FLT3: variants seen among roughly 807,000 people sequenced by gnomAD.
FLT3 encodes the protein fms related receptor tyrosine kinase 3, also known as receptor-type tyrosine-protein kinase FLT3.
Under a neutral mutation model 126.6 loss-of-function variants are expected in FLT3, and 46 were observed. The ratio of observed to expected loss-of-function variants is 0.36; its 90% CI spans 0.29 to 0.46. FLT3 has a LOEUF of 0.46. FLT3 is among the 20% of genes least tolerant of loss of function. The pLI is 1.00. For synonymous variants in FLT3, 404 were observed against 434.4 expected, an observed-to-expected ratio of 0.93 and a Z score of 0.87; for missense variants, 1,069 against 1,190.3, an observed-to-expected ratio of 0.90 and a Z score of 1.50.
intron 2 of FLT3, among the ~76,000 whole-genome samples, chr13:28,069,239 G>T (rs1877293174): frequency 6.6e-6 from 1 of 152,164 alleles, no homozygotes; most frequent in Non-Finnish European, 1.5e-5. Flanking sequence ...ACGAGGGCTT[G>T]ACTTAGGGAA....
intron 4 of FLT3, among the ~76,000 whole-genome samples, chr13:28,053,965 T>C (rs1315420285): frequency 1.3e-5 from 2 of 152,102 alleles, no homozygotes; most frequent in African/African-American, 2.4e-5. Context: ...CTTCCTGCCT[T>C]GGCCTCCCAA....
rs34172843 is a variant in FLT3 at position 28,048,407 on chromosome 13, T to A, written c.1073A>T (p.Asp358Val). The A allele has an allele frequency of 6.3e-4, 1,008 of 1,610,464 alleles. 12 individuals carry two copies. The East Asian group carries it at 0.017, about 28-fold the overall frequency. ...GFINATNSSE[D>V]YEIDQYEEFC... ...CTCTTCATATTGGTCAATTTCATAA[T>A]CTTCACTTGAATTGGTAGCATTTAT... The change falls in exon 9 of 24, where the codon GAT becomes GTT. Residue 358 changes from aspartate to valine, a missense_variant. By Grantham distance (152) the Asp-to-Val change is radical (BLOSUM62 -3). Transcript: ENST00000241453.
intron 9 of FLT3, among the ~76,000 whole-genome samples, chr13:28,038,522 G>A (rs1459175629): frequency 1.3e-5 from 2 of 149,420 alleles, no homozygotes; most frequent in African/African-American, 2.5e-5. Context: ...GCGCTATCTC[G>A]GCTCACTGCA....
At chr13:28,081,871 T>TTTTTTTTC in intron 1 of FLT3, among the ~76,000 whole-genome samples, 1 of 132,342 alleles carries the variant, frequency 7.6e-6, no homozygotes, top group Non-Finnish European at 1.7e-5. Context: ...TTTTTTTTTT[T>TTTTTTTTC]TGTGAGACAC....
At chr13:28,033,148 T>C (rs1187761321) in intron 15 of FLT3, among the ~76,000 whole-genome samples, 2 of 128,958 alleles carry the variant, frequency 1.6e-5, no homozygotes, top group African/African-American at 5.4e-5. Flanking sequence ...AGACACCGTA[T>C]CTACAAAAAA....
At chr13:28,042,443 A>G (rs1394538989) in intron 9 of FLT3, among the ~76,000 whole-genome samples, 1 of 152,132 alleles carries the variant, frequency 6.6e-6, no homozygotes, top group Non-Finnish European at 1.5e-5. Flanking sequence ...TGGTGCTTAC[A>G]TAGAAAAAGT....
intron 1 of FLT3, among the ~76,000 whole-genome samples, chr13:28,095,543 G>A (rs1879398784): frequency 6.6e-6 from 1 of 152,042 alleles, no homozygotes; most frequent in Non-Finnish European, 1.5e-5. Flanking sequence ...CAAAGTGCTG[G>A]GATTACAGGC....
intron 3 of FLT3, among the ~76,000 whole-genome samples, chr13:28,059,777 T>C (rs1299702057): frequency 1.3e-5 from 2 of 151,314 alleles, no homozygotes; most frequent in Non-Finnish European, 2.9e-5. Flanking sequence ...TTGTCCAACA[T>C]GGTGAAACCC....
At chr13:28,077,573 C>T (rs1232102798) in intron 1 of FLT3, among the ~76,000 whole-genome samples, 2 of 152,090 alleles carry the variant, frequency 1.3e-5, no homozygotes, top group Non-Finnish European at 2.9e-5. Flanking sequence ...GGGAATTCTG[C>T]GAGATACAAT....
chr13:28,071,243 C>T (rs531162301), intron 1 of FLT3, among the ~76,000 whole-genome samples: 1 of 151,668 alleles, frequency 6.6e-6, no homozygotes, highest in Non-Finnish European at 1.5e-5. Flanking sequence ...CTCCTGACCT[C>T]AGGTGATCCA....
intron 22 of FLT3, among the ~76,000 whole-genome samples, chr13:28,014,826 A>C (rs1218022244): frequency 6.6e-6 from 1 of 152,178 alleles, no homozygotes; most frequent in African/African-American, 2.4e-5. Flanking sequence ...ACCGGGAAGC[A>C]GGTGCCTCTG....
At chr13:28,095,848 A>G (rs1879418044) in intron 1 of FLT3, among the ~76,000 whole-genome samples, 1 of 152,118 alleles carries the variant, frequency 6.6e-6, no homozygotes. Context: ...GTTGAAGCCG[A>G]GGCATTTTGT....
At chr13:28,095,067 A>G (rs1356162024) in intron 1 of FLT3, among the ~76,000 whole-genome samples, 1 of 152,226 alleles carries the variant, frequency 6.6e-6, no homozygotes, top group Non-Finnish European at 1.5e-5. Context: ...AAGTCATAGA[A>G]AAACATCTTA....
intron 1 of FLT3, among the ~76,000 whole-genome samples, chr13:28,092,243 C>T (rs755910036): frequency 9.2e-5 from 14 of 152,096 alleles, no homozygotes; most frequent in Non-Finnish European, 1.9e-4. Context: ...TCCCTCTCTC[C>T]TCCCTCTCCC....
intron 10 of FLT3, among the ~76,000 whole-genome samples, chr13:28,036,453 C>A (rs1197534842): frequency 6.6e-6 from 1 of 152,182 alleles, no homozygotes; most frequent in Non-Finnish European, 1.5e-5. Flanking sequence ...CAGACCTCCA[C>A]CTGTTTGCAT....
chr13:28,004,064 G>T lies in FLT3; in HGVS notation c.2970C>A (p.Val990=), dbSNP rs777901691. The change falls in exon 24 of 24, where the codon GTC becomes GTA. Residue 990 remains valine (V), a synonymous_variant. Coordinates refer to ENST00000241453, the MANE Select transcript of FLT3 (RefSeq NM_004119.3). ...CTAAATTGTTCCTCTACGAATCTTCGACCTGAGCCTGCGGAGAGAGTAGCC... is the reference window on the plus strand; with the variant it reads ...CTAAATTGTTCCTCTACGAATCTTCTACCTGAGCCTGCGGAGAGAGTAGCC... ...DLGLLSPQAQ[V]EDS is the part of the protein sequence containing the mutation. 6.2e-7 allele frequency: 1 copy of T among 1,613,852 alleles called. No individual in the cohort carries two copies. Among genetic ancestry groups the T allele is most frequent in the Non-Finnish European group, 8.5e-7 (1 of 1,180,016 alleles).
At position 28,015,649 on chromosome 13, in the gene FLT3, T is replaced by C. The variant is rs759638195; in HGVS notation, c.2594A>G (p.Tyr865Cys). 6.2e-6 allele frequency: 10 copies of C among 1,613,552 alleles called. No individual in the cohort carries two copies. Among genetic ancestry groups the C allele is most frequent in the Admixed American group, 1.7e-5 (1 of 59,910 alleles). The change falls in exon 21 of 24, where the codon TAC becomes TGC. Residue 865 changes from tyrosine to cysteine, a missense_variant. Transcript: ENST00000241453. ...TGACCAGACATCACTCTTAATGGTG[T>C]AGATGCCTTCAAACAGGCTTTCGGG... is the stretch of plus-strand genomic sequence containing the variant. ...MAPESLFEGIYTIKSDVWSYG... is the reference protein window; with the variant it reads ...MAPESLFEGICTIKSDVWSYG...
intron 1 of FLT3, among the ~76,000 whole-genome samples, chr13:28,083,515 G>A (rs1429797019): frequency 6.6e-6 from 1 of 152,316 alleles, no homozygotes; most frequent in African/African-American, 2.4e-5. Context: ...AATGAGTTGA[G>A]AAGTGTCGCC....
At chr13:28,015,080 T>G in intron 22 of FLT3, 77 bp downstream of exon 22, 1 of 881,012 alleles carries the variant, frequency 1.1e-6, no homozygotes, top group Non-Finnish European at 1.8e-6. Flanking sequence ...AGTTTGACTT[T>G]TTTTGGTCAT....
Sources: gnomAD v4.1 joint callset for allele counts (sites outside exome capture counted in the v4.1 genomes callset) on GRCh38, gnomAD v4.1.1 for gene constraint, MANE v1.5 for transcripts, NCBI Gene and HGNC (gene_info 2026-07-23, HGNC 2026-07-21) for gene names.